Variants in GRM6 observed in about 807,000 individuals in gnomAD.
GRM6 encodes the protein glutamate metabotropic receptor 6, also known as metabotropic glutamate receptor 6.
GRM6 carries 73 observed loss-of-function variants against 78.4 expected under a neutral mutation model. That is an observed-to-expected ratio of 0.93 (90% CI 0.77 to 1.13). The LOEUF is 1.13. GRM6 is among the 50% of genes most tolerant of loss of function. The probability of loss-of-function intolerance (pLI) is 0.00; values close to 1 mark genes in which losing one functional copy is unlikely to be tolerated. For missense variants in GRM6, 1,251 were observed against 1,256.4 expected (o/e 1.00, Z 0.07); for synonymous variants, 580 against 555.0 (o/e 1.05, Z -0.63).
rs1354147918 is a variant in GRM6 at position 178,989,271 on chromosome 5, A to G, written c.1147T>C (p.Cys383Arg). The change falls in exon 6 of 11, where the codon TGC (cysteine) becomes CGC (arginine). Residue 383 changes from cysteine to arginine, a missense_variant. By Grantham distance (180) the Cys-to-Arg change is radical. Coordinates refer to ENST00000517717, the MANE Select transcript of GRM6 (RefSeq NM_000843.4). ...CACCCTGGGCAGCTCTCACCTGTGC[A>G]TTTGCGGGTGGAATCGTCTGACTGG... ...GTQSDDSTRK[C>R]TGEERIGRDS... The G allele has an allele frequency of 1.3e-6, 2 of 1,581,660 alleles. No homozygotes were observed. The highest frequency in any genetic ancestry group is 1.5e-5 in the African/African-American group (1 of 66,842).
Position 178,983,057 on chromosome 5 carries a change from G to T in GRM6, c.2289C>A (p.Val763=), listed in dbSNP as rs778026656. 1.2e-6 allele frequency: 2 copies of T among 1,614,204 alleles called. No individual in the cohort carries two copies. Among genetic ancestry groups the T allele is most frequent in the South Asian group, 2.2e-5 (2 of 91,080 alleles). The change falls in exon 10 of 11, where the codon GTC becomes GTA. Residue 763 remains valine, a synonymous_variant. Coordinates refer to ENST00000517717, the MANE Select transcript of GRM6 (RefSeq NM_000843.4). ...GCLGYSLLLM[V]TCTVYAIKAR... Reference sequence around the variant, plus strand: ...CCTTGATGGCGTACACTGTGCACGTGACCATGAGCAGGAGGCTGTAGCCCA... The same window carrying T: ...CCTTGATGGCGTACACTGTGCACGTTACCATGAGCAGGAGGCTGTAGCCCA...
intron 9 of GRM6, chr5:178,985,572 G>A (rs62393062): frequency 0.033 from 11,107 of 338,032 alleles, 290 homozygotes; most frequent in East Asian, 0.072. Flanking sequence ...GCGTGGTGGC[G>A]GGCGCCTGTA....
intron 9 of GRM6, chr5:178,985,387 T>C: frequency 2.7e-6 from 1 of 372,862 alleles, no homozygotes; most frequent in Non-Finnish European, 5.2e-6. Flanking sequence ...GGGGAGGGGC[T>C]CCATTTCCTG....
chr5:178,994,053 A>G (rs1202061805), intron 2 of GRM6, among the ~76,000 whole-genome samples: 4 of 152,262 alleles, frequency 2.6e-5, no homozygotes, highest in African/African-American at 9.6e-5. Context: ...AAGTTGCAAT[A>G]TCACTCGAGC....
At position 178,988,142 on chromosome 5, in the gene GRM6, TTAAAAA is replaced by T. The variant is rs1760603543; in HGVS notation, c.1354+787_1354+792del. The stretch of plus-strand genomic sequence containing the variant: ...TTATATTATATGTATTTTATCACAA[TTAAAAA>T]TGAAAAAAGTTTCACTGTCCAGGCG... On this transcript the variant is annotated intron_variant, in intron 7 of 10. Transcript: ENST00000517717. This position sits in a 1 kb window ranked among gnomAD's most constrained non-coding sequence, Gnocchi z 6.0. Among the ~76,000 whole-genome samples, 3 of 152,136 alleles carry T rather than the reference TTAAAAA, an allele frequency of 2.0e-5. No individual in the cohort carries two copies. The highest frequency in any genetic ancestry group is 1.5e-5 in the Non-Finnish European group (1 of 68,036).
Position 178,981,732 on chromosome 5 carries a change from C to G in GRM6, c.2559G>C (p.Lys853Asn). The G allele has an allele frequency of 6.2e-7, 1 of 1,614,120 alleles. No individual in the cohort carries two copies. Among genetic ancestry groups the G allele is most frequent in the Non-Finnish European group, 8.5e-7 (1 of 1,179,940 alleles). Residue 853 changes from lysine to asparagine, a missense_variant, in exon 11 of 11, where the codon AAG becomes AAC. Physicochemically the swap from Lys to Asn is moderately conservative, Grantham distance 94. Coordinates refer to ENST00000517717, the MANE Select transcript of GRM6 (RefSeq NM_000843.4). The surrounding 1 kb of genome is among the most constrained non-coding windows in gnomAD (Gnocchi z 5.1). ...ILFHPEQNVQKRKRSLKATST... is the reference protein window; with the variant it reads ...ILFHPEQNVQNRKRSLKATST... ...AGGTGGCCTTGAGGCTCCGCTTTCG[C>G]TTCTGCACATTCTGCTCTGGATGGA... is the stretch of plus-strand genomic sequence containing the variant.
Position 178,981,838 on chromosome 5 carries a change from G to C in GRM6, c.2453C>G (p.Thr818Ser). 1 of 1,611,404 alleles carries C rather than the reference G, an allele frequency of 6.2e-7. No homozygotes were observed. The part of the protein sequence containing the change: ...QSAEKIYIQT[T>S]TLTVSLSLSA... The stretch of plus-strand genomic sequence containing the variant: ...CAGGCTCAAGGACACGGTTAGCGTG[G>C]TTGTCTGGATGTAGATCTAGGCCAT... The change falls in exon 11 of 11, where the codon ACC becomes AGC. Residue 818 changes from threonine to serine, a missense_variant. Transcript: ENST00000517717. This position sits in a 1 kb window ranked among gnomAD's most constrained non-coding sequence, Gnocchi z 5.1.
In GRM6 at chr5:178,985,814, T is replaced by G. The variant is rs528052002; in HGVS notation, c.2124+316A>C. ...TCTTACTCTGACACCCAAGCTGGATTGTAGTGGTGCGATCTTGGCTCACAG... is the reference window on the plus strand; with the variant it reads ...TCTTACTCTGACACCCAAGCTGGATGGTAGTGGTGCGATCTTGGCTCACAG... On this transcript the variant is annotated intron_variant, in intron 9 of 10. Transcript: ENST00000517717. 1.0e-4 allele frequency: 54 copies of G among 521,596 alleles called. 1 individual carries two copies. Among genetic ancestry groups the G allele is most frequent in the South Asian group, 9.2e-4 (54 of 58,706 alleles). The allele number at this position is 521,596 out of a possible 1,614,324, so 32.3% of individuals were successfully genotyped here. A position where few individuals can be genotyped will look rare whatever the true frequency, so the allele number is the denominator to read the frequency against.
At position 178,981,834 on chromosome 5, in the gene GRM6, C is replaced by T. The variant is rs2071249; in HGVS notation, c.2457G>A (p.Thr819=). The T allele has an allele frequency of 7.2e-3, 11,680 of 1,612,124 alleles. 634 individuals are homozygous for T. In the East Asian group the frequency reaches 0.16, roughly 22 times the overall value. The stretch of plus-strand genomic sequence containing the variant: ...CACTCAGGCTCAAGGACACGGTTAG[C>T]GTGGTTGTCTGGATGTAGATCTAGG... The part of the protein sequence containing the change: ...SAEKIYIQTT[T]LTVSLSLSAS... The change falls in exon 11 of 11, where the codon ACG becomes ACA. Residue 819 remains threonine (T), a synonymous_variant. Transcript: ENST00000517717. This position sits in a 1 kb window ranked among gnomAD's most constrained non-coding sequence, Gnocchi z 5.1.
Position 178,986,541 on chromosome 5 carries a change from G to C in GRM6, c.1713C>G (p.Cys571Trp), listed in dbSNP as rs2113329007. 6.2e-7 allele frequency: 1 copy of C among 1,607,580 alleles called. No individual in the cohort carries two copies. The highest frequency in any genetic ancestry group is 1.1e-5 in the South Asian group (1 of 91,038). ...DMRPTPNHTG[C>W]RPTPVVRLSW... ...TCAGGCGCACCACAGGTGTGGGGCG[G>C]CAGCCCGTGTGGTTGGGCGTGGGCC... The change falls in exon 9 of 11, where the codon TGC becomes TGG. Residue 571 changes from cysteine (C) to tryptophan (W), a missense_variant. By Grantham distance (215) the Cys-to-Trp change is radical. Transcript: ENST00000517717.
rs1434450707 is a variant in GRM6 at position 178,994,601 on chromosome 5, G to A, written c.344C>T (p.Ala115Val). The change falls in exon 2 of 11, where the codon GCG (alanine) becomes GTG (valine). Residue 115 changes from alanine to valine, a missense_variant. Transcript: ENST00000517717. ...GCCGTCGCCGCGGCCGCGGATCAGC[G>A]CCTGCACGAAGCTCAGCGCCTGCTC... Reference protein sequence around the residue: ...ALEQALSFVQALIRGRGDGDE... With the variant: ...ALEQALSFVQVLIRGRGDGDE... 68 of 1,412,860 alleles carry A rather than the reference G, an allele frequency of 4.8e-5. No individual in the cohort carries two copies. Among genetic ancestry groups the A allele is most frequent in the Non-Finnish European group, 6.0e-5 (65 of 1,083,368 alleles). 87.5% of individuals were successfully genotyped at this position (1,412,860 alleles called of 1,614,324 possible).
At position 178,982,966 on chromosome 5, in the gene GRM6, T is replaced by G. The variant is rs1346381930; in HGVS notation, c.2380A>C (p.Ile794Leu). The G allele has an allele frequency of 1.2e-6, 2 of 1,614,048 alleles. No individual in the cohort carries two copies. The highest frequency in any genetic ancestry group is 2.7e-5 in the African/African-American group (2 of 74,924). ...ATGGGCACGAATGCCAGCCAGATGA[T>G]GCAGGTGGTGTACATGGTGAAGCCG... ...PIGFTMYTTC[I>L]IWLAFVPIFF... Residue 794 changes from isoleucine (I) to leucine (L), a missense_variant, in exon 10 of 11, where the codon ATC (isoleucine) becomes CTC (leucine). Transcript: ENST00000517717.
In GRM6 at chr5:178,986,924, TGTC is replaced by T. The variant is rs1327392142; in HGVS notation, c.1411_1413del (p.Asp471del). ...CCATTGGTCGCCTGGTACTGGAAGA[TGTC>T]GTACCGCCCGGGCGCATCTCCGTTC... On this transcript the variant is annotated inframe_deletion, in exon 8 of 11. Coordinates refer to ENST00000517717, the MANE Select transcript of GRM6 (RefSeq NM_000843.4). 1 of 1,614,154 alleles carries T rather than the reference TGTC, an allele frequency of 6.2e-7. No individual in the cohort carries two copies. Among genetic ancestry groups the T allele is most frequent in the Non-Finnish European group, 8.5e-7 (1 of 1,180,020 alleles).
chr5:178,987,012 G>A (rs761550689), intron 7 of GRM6, 29 bp from the exon 8 acceptor site: 3 of 1,608,472 alleles, frequency 1.9e-6, no homozygotes, highest in Non-Finnish European at 2.5e-6. Flanking sequence ...ATCCTCGGTG[G>A]TCCTCCAGCC....
intron 9 of GRM6, chr5:178,985,332 C>A: frequency 2.2e-6 from 1 of 452,466 alleles, no homozygotes; most frequent in South Asian, 1.6e-5. Context: ...CCTTCAAGGA[C>A]CCAGCAGGGG....
At position 178,986,153 on chromosome 5, in the gene GRM6, T is replaced by C. The variant is rs1351865055; in HGVS notation, c.2101A>G (p.Thr701Ala). ...ACCTGCAGGGAGGTGAGGCTGAAGG[T>C]GATGACCAGCTGTGAGGTGGGGCTG... Reference protein sequence around the residue: ...FISPTSQLVITFSLTSLQVVG... With the variant: ...FISPTSQLVIAFSLTSLQVVG... Residue 701 changes from threonine to alanine, a missense_variant, in exon 9 of 11, where the codon ACC becomes GCC. Thr to Ala is a moderately conservative substitution (Grantham distance 58, BLOSUM62 0). Transcript: ENST00000517717. 1 of 1,613,420 alleles carries C rather than the reference T, an allele frequency of 6.2e-7. No homozygotes were observed. The highest frequency in any genetic ancestry group is 1.7e-5 in the Admixed American group (1 of 59,986).
intron 7 of GRM6, 85 bp from the exon 8 acceptor site, chr5:178,987,068 AAGG>A: frequency 7.2e-7 from 1 of 1,383,032 alleles, no homozygotes; most frequent in Non-Finnish European, 1.0e-6. Context: ...CAGCAGGAGA[AAGG>A]AGGAGCTTAA....
At chr5:178,995,163 C>G (rs1200927813) in intron 1 of GRM6, 113 bp downstream of exon 1, 2 of 196,792 alleles carry the variant, frequency 1.0e-5, no homozygotes, top group Non-Finnish European at 2.0e-5. Flanking sequence ...GCCCGGGGTC[C>G]CGCCCGACCA....
rs765791611 is a variant in GRM6, at chr5:178,991,804, C to T, written c.721+63G>A. 2.1e-6 allele frequency: 3 copies of T among 1,422,108 alleles called. No homozygotes were observed. The East Asian group carries it at 7.1e-5, about 33-fold the overall frequency. 88.1% of individuals were successfully genotyped at this position (1,422,108 alleles called of 1,614,324 possible). On this transcript the variant is annotated intron_variant, in intron 3 of 10. Coordinates refer to ENST00000517717, the MANE Select transcript of GRM6 (RefSeq NM_000843.4). The surrounding 1 kb of genome is among the most constrained non-coding windows in gnomAD (Gnocchi z 5.0). ...GGCCCCCCATCTTTCTGCTTCTGCC[C>T]CAACTGAGGGCCCCGGGCCCACACT...
Sources: allele counts gnomAD v4.1 joint callset (sites outside exome capture counted in the v4.1 genomes callset), GRCh38; gene constraint gnomAD v4.1.1; non-coding constraint Gnocchi (gnomAD v3.1); transcripts MANE v1.5; gene names NCBI Gene and HGNC (gene_info 2026-07-23, HGNC 2026-07-21).